Variants in THSD4 observed in about 807,000 individuals in gnomAD.
THSD4 encodes the protein thrombospondin type 1 domain containing 4.
Under a neutral mutation model 119.0 loss-of-function variants are expected in THSD4, and 69 were observed. The ratio of observed to expected loss-of-function variants is 0.58; its 90% CI spans 0.48 to 0.71. The LOEUF is 0.71. THSD4 is among the 30% of genes least tolerant of loss of function. The pLI, the probability that THSD4 is intolerant of heterozygous loss-of-function variation, is 0.00. For synonymous variants in THSD4, 524 were observed against 540.4 expected (o/e 0.97, Z 0.42); for missense variants, 1,393 against 1,391.1 (o/e 1.00, Z -0.02).
intron 7 of THSD4, among the ~76,000 whole-genome samples, chr15:71,448,584 T>G (rs568162396): frequency 6.6e-6 from 1 of 152,320 alleles, no homozygotes; most frequent in South Asian, 2.1e-4. Context: ...GGATACATAG[T>G]AGGTATATTA....
intron 10 of THSD4, among the ~76,000 whole-genome samples, chr15:71,735,469 T>C (rs1354897559): frequency 7.4e-6 from 1 of 134,868 alleles, no homozygotes; most frequent in Non-Finnish European, 1.7e-5. Context: ...TCTCTCTCTC[T>C]CTTTCTCACT....
intron 7 of THSD4, among the ~76,000 whole-genome samples, chr15:71,519,356 G>C (rs756348418): frequency 3.3e-5 from 5 of 151,996 alleles, no homozygotes; most frequent in Non-Finnish European, 7.4e-5. Context: ...GATCTGAATT[G>C]TTTTTTTCTT....
intron 6 of THSD4, among the ~76,000 whole-genome samples, chr15:71,372,685 C>T (rs11633062): frequency 0.27 from 41,102 of 152,196 alleles, 6,187 homozygotes; most frequent in East Asian, 0.54. Flanking sequence ...CAGTGTGCCC[C>T]TACCGGGGGG....
chr15:71,153,724 A>G (rs1567139613), intron 2 of THSD4, among the ~76,000 whole-genome samples: 1 of 152,140 alleles, frequency 6.6e-6, no homozygotes, highest in South Asian at 2.1e-4. Flanking sequence ...AGTGTTTCAC[A>G]TCTCTCAGTT....
rs552879485 is a variant in THSD4 at position 71,115,933 on chromosome 15, G to C, written c.-80+235G>C. 6.6e-6 allele frequency among the ~76,000 whole-genome samples: 1 copy of C among 152,276 alleles called. No homozygotes were observed. Among genetic ancestry groups the C allele is most frequent in the Non-Finnish European group, 1.5e-5 (1 of 68,006 alleles). On this transcript the variant is annotated intron_variant, in intron 1 of 17. Transcript: ENST00000261862. This position sits in a 1 kb window ranked among gnomAD's most constrained non-coding sequence, Gnocchi z 4.4. ...CTTCTCTGGTTCTCTTCCTTGCTGG[G>C]AGTCTTGCTCTGTGCTGGCGCCGGC...
At chr15:71,452,191 C>T (rs2047274689) in intron 7 of THSD4, among the ~76,000 whole-genome samples, 1 of 152,180 alleles carries the variant, frequency 6.6e-6, no homozygotes, top group African/African-American at 2.4e-5. Flanking sequence ...GCTCCTTTCT[C>T]TGCTGGACTT....
At chr15:71,501,997 TTAAATA>T (rs2048119285) in intron 7 of THSD4, among the ~76,000 whole-genome samples, 1 of 152,224 alleles carries the variant, frequency 6.6e-6, no homozygotes, top group Non-Finnish European at 1.5e-5. Flanking sequence ...TGGAACATGT[TTAAATA>T]TAAAACTGAG....
intron 6 of THSD4, among the ~76,000 whole-genome samples, chr15:71,373,128 C>G (rs1355445739): frequency 1.3e-5 from 2 of 152,210 alleles, no homozygotes; most frequent in Admixed American, 1.3e-4. Context: ...AACAGTTTAT[C>G]TAAATAGTTC....
intron 7 of THSD4, among the ~76,000 whole-genome samples, chr15:71,480,917 G>A (rs2047721203): frequency 6.6e-6 from 1 of 152,138 alleles, no homozygotes; most frequent in Non-Finnish European, 1.5e-5. Flanking sequence ...AACACCCCAT[G>A]CATGCAGTTT....
chr15:71,723,429 A>G (rs1248262559), intron 8 of THSD4, among the ~76,000 whole-genome samples: 1 of 152,172 alleles, frequency 6.6e-6, no homozygotes, highest in East Asian at 1.9e-4. Flanking sequence ...TCATTTGCTT[A>G]TGGAGTACTT....
intron 7 of THSD4, among the ~76,000 whole-genome samples, chr15:71,428,324 A>C (rs1203067306): frequency 6.6e-6 from 1 of 152,242 alleles, no homozygotes; most frequent in African/African-American, 2.4e-5. Flanking sequence ...GTCTCTGTTC[A>C]GACTAATAGG....
At chr15:71,439,240 T>C (rs2047056137) in intron 7 of THSD4, among the ~76,000 whole-genome samples, 2 of 152,214 alleles carry the variant, frequency 1.3e-5, no homozygotes, top group South Asian at 4.1e-4. Context: ...ATATGGATCA[T>C]AGCAATTTTT....
chr15:71,686,457 T>C (rs2051912578), intron 8 of THSD4, among the ~76,000 whole-genome samples: 1 of 152,186 alleles, frequency 6.6e-6, no homozygotes, highest in Admixed American at 6.5e-5. Context: ...TCCCTCCACA[T>C]AGGAGCACCT....
intron 3 of THSD4, among the ~76,000 whole-genome samples, chr15:71,182,652 A>T (rs945548021): frequency 6.6e-6 from 1 of 151,842 alleles, no homozygotes; most frequent in South Asian, 2.1e-4. Context: ...AGAATAACTT[A>T]TCACTTAGGC....
At chr15:71,349,321 T>TC (rs2045713244) in intron 6 of THSD4, among the ~76,000 whole-genome samples, 1 of 152,240 alleles carries the variant, frequency 6.6e-6, no homozygotes, top group Non-Finnish European at 1.5e-5. Context: ...CTTATTTTTT[T>TC]CTCTTTAGTA....
intron 7 of THSD4, among the ~76,000 whole-genome samples, chr15:71,570,044 GT>G (rs2049319738): frequency 6.6e-6 from 1 of 152,132 alleles, no homozygotes; most frequent in Non-Finnish European, 1.5e-5. Flanking sequence ...AGTTAAGTAA[GT>G]TGGGGCAATA....
chr15:71,544,395 A>G (rs896126355), intron 7 of THSD4, among the ~76,000 whole-genome samples: 21 of 152,222 alleles, frequency 1.4e-4, no homozygotes, highest in Admixed American at 1.3e-3. Context: ...GATTAGAGGC[A>G]AAGGAAATCT....
chr15:71,497,712 G>A (rs980465623), intron 7 of THSD4, among the ~76,000 whole-genome samples: 8 of 152,096 alleles, frequency 5.3e-5, no homozygotes, highest in Admixed American at 2.0e-4. Flanking sequence ...TAGCGTCACC[G>A]TGTTGTATAG....
intron 6 of THSD4, among the ~76,000 whole-genome samples, chr15:71,383,158 T>G (rs1198453457): frequency 4.6e-5 from 7 of 152,216 alleles, no homozygotes; most frequent in African/African-American, 1.7e-4. Flanking sequence ...TTCTCCAAAT[T>G]GCTGTAAATA....
Sources: gnomAD v4.1 joint callset for allele counts (sites outside exome capture counted in the v4.1 genomes callset) on GRCh38, gnomAD v4.1.1 for gene constraint, Gnocchi (gnomAD v3.1) non-coding constraint, MANE v1.5 for transcripts, NCBI Gene and HGNC (gene_info 2026-07-23, HGNC 2026-07-21) for gene names.